PARD3B: variants seen among roughly 807,000 people sequenced by gnomAD.
The protein encoded by PARD3B is partitioning defective 3 homolog B.
A neutral mutation model predicts 130.2 loss-of-function variants in PARD3B; 103 were observed. That is an observed-to-expected ratio of 0.79 (90% confidence interval 0.67 to 0.93). The LOEUF is 0.93. Among genes scored for constraint, PARD3B ranks in the 40% least tolerant of loss-of-function variants. The pLI, the probability that PARD3B is intolerant of heterozygous loss-of-function variation, is 0.00. For synonymous variants in PARD3B, 583 were observed against 553.2 expected, an observed-to-expected ratio of 1.05 and a Z score of -0.76; for missense variants, 1,609 against 1,499.2, an observed-to-expected ratio of 1.07 and a Z score of -1.21.
At chr2:205,206,170 A>T (rs570736500) in intron 15 of PARD3B, among the ~76,000 whole-genome samples, 2 of 145,650 alleles carry the variant, frequency 1.4e-5, no homozygotes, top group African/African-American at 5.0e-5. Context: ...TGTTTCCTAA[A>T]CCATTGTTCA....
At chr2:204,575,982 T>G (rs1439297964) in intron 1 of PARD3B, among the ~76,000 whole-genome samples, 2 of 152,320 alleles carry the variant, frequency 1.3e-5, no homozygotes, top group East Asian at 3.9e-4. Context: ...AATTGACTGT[T>G]AGTCTAATAT....
chr2:205,320,544 C>T (rs1000586839), intron 18 of PARD3B, among the ~76,000 whole-genome samples: 3 of 152,136 alleles, frequency 2.0e-5, no homozygotes, highest in African/African-American at 7.2e-5. Context: ...GACTGTTTAA[C>T]AATAATATGG....
At position 205,172,400 on chromosome 2, in the gene PARD3B, C is replaced by T; in HGVS notation, c.1791+19C>T. 3 of 1,605,280 alleles carry T rather than the reference C, an allele frequency of 1.9e-6. No homozygotes were observed. Among genetic ancestry groups the T allele is most frequent in the Non-Finnish European group, 2.6e-6 (3 of 1,173,994 alleles). On this transcript the variant is annotated intron_variant, in intron 12 of 22. Coordinates refer to ENST00000406610, the MANE Select transcript of PARD3B (RefSeq NM_001302769.2). ...AATGGAGGTGATGCAAATCTTGATTCTCCTCAGCCAGTTGCCCAAATTGCC... is the reference window on the plus strand; with the variant it reads ...AATGGAGGTGATGCAAATCTTGATTTTCCTCAGCCAGTTGCCCAAATTGCC...
intron 20 of PARD3B, among the ~76,000 whole-genome samples, chr2:205,484,550 C>T (rs1402721944): frequency 1.3e-5 from 2 of 152,090 alleles, no homozygotes; most frequent in Non-Finnish European, 2.9e-5. Context: ...TTTTCAAAAT[C>T]ATCTGTAGTT....
intron 4 of PARD3B, among the ~76,000 whole-genome samples, chr2:205,099,351 T>C (rs1266411967): frequency 6.6e-6 from 1 of 152,226 alleles, no homozygotes; most frequent in Non-Finnish European, 1.5e-5. Flanking sequence ...GGTAGCTGTT[T>C]GGCATCAGTT....
intron 2 of PARD3B, among the ~76,000 whole-genome samples, chr2:204,699,229 G>A (rs1201301365): frequency 2.0e-5 from 3 of 152,086 alleles, no homozygotes; most frequent in Admixed American, 2.0e-4. Flanking sequence ...GGAGCCCTGG[G>A]CCCCTAAATG....
At chr2:205,582,154 C>A (rs994053851) in intron 22 of PARD3B, among the ~76,000 whole-genome samples, 1 of 152,186 alleles carries the variant, frequency 6.6e-6, no homozygotes, top group African/African-American at 2.4e-5. Flanking sequence ...TTGCACAAAT[C>A]TACTTAGCTC....
chr2:205,284,151 A>T (rs930525313), intron 16 of PARD3B, among the ~76,000 whole-genome samples: 17 of 152,170 alleles, frequency 1.1e-4, no homozygotes, highest in Non-Finnish European at 2.1e-4. Context: ...AACAAAGGGG[A>T]AAAAAATTAT....
At chr2:205,074,200 G>A (rs1700903288) in intron 4 of PARD3B, among the ~76,000 whole-genome samples, 6 of 152,158 alleles carry the variant, frequency 3.9e-5, no homozygotes, top group Admixed American at 3.3e-4. Flanking sequence ...AGCACTTTCT[G>A]AAATAATTTT....
chr2:205,267,724 A>G (rs1435224956), intron 16 of PARD3B, among the ~76,000 whole-genome samples: 1 of 152,186 alleles, frequency 6.6e-6, no homozygotes, highest in Non-Finnish European at 1.5e-5. Context: ...AGCTGGCTTC[A>G]TTTAAAGAAA....
intron 2 of PARD3B, among the ~76,000 whole-genome samples, chr2:204,933,581 G>T (rs376488865): frequency 6.6e-6 from 1 of 152,116 alleles, no homozygotes; most frequent in East Asian, 1.9e-4. Flanking sequence ...AGAAATAATG[G>T]TTGTGACTGT....
chr2:204,656,466 C>A (rs917357185), intron 1 of PARD3B, among the ~76,000 whole-genome samples: 1 of 152,172 alleles, frequency 6.6e-6, no homozygotes, highest in Non-Finnish European at 1.5e-5. Flanking sequence ...ATTTTCCAAT[C>A]TACTTCACTG....
intron 1 of PARD3B, among the ~76,000 whole-genome samples, chr2:204,583,014 T>G (rs901598823): frequency 4.6e-4 from 70 of 151,786 alleles, no homozygotes; most frequent in African/African-American, 2.4e-4. Context: ...GGAACACTTT[T>G]ACACTGTTGG....
intron 18 of PARD3B, among the ~76,000 whole-genome samples, chr2:205,310,591 T>G (rs1011860937): frequency 3.9e-5 from 6 of 152,102 alleles, no homozygotes; most frequent in Admixed American, 1.3e-4. Flanking sequence ...TCATATGGTA[T>G]TTGTCTTTCT....
At chr2:205,509,951 C>T (rs1396671168) in intron 21 of PARD3B, among the ~76,000 whole-genome samples, 6 of 152,220 alleles carry the variant, frequency 3.9e-5, no homozygotes, top group Admixed American at 3.9e-4. Flanking sequence ...AAAATCTGCC[C>T]TGATAAGATA....
At chr2:205,052,982 A>G (rs1699337106) in intron 4 of PARD3B, among the ~76,000 whole-genome samples, 1 of 152,164 alleles carries the variant, frequency 6.6e-6, no homozygotes, top group Admixed American at 6.6e-5. Context: ...CTACTGAGAC[A>G]AGAAGGGAAA....
chr2:205,083,676 T>C (rs775435012), intron 4 of PARD3B, among the ~76,000 whole-genome samples: 16 of 152,038 alleles, frequency 1.1e-4, no homozygotes, highest in Non-Finnish European at 1.9e-4. Context: ...TGTGGCTGTA[T>C]TTTCTATTTT....
At chr2:205,495,999 T>G (rs1233589928) in intron 20 of PARD3B, among the ~76,000 whole-genome samples, 1 of 152,176 alleles carries the variant, frequency 6.6e-6, no homozygotes, top group Non-Finnish European at 1.5e-5. Context: ...CTGAGAATTC[T>G]TTCCCAATTA....
intron 2 of PARD3B, among the ~76,000 whole-genome samples, chr2:204,903,111 G>C (rs995511441): frequency 6.6e-6 from 1 of 152,174 alleles, no homozygotes; most frequent in Non-Finnish European, 1.5e-5. Context: ...TCCCATGTAG[G>C]CCTTTATGGT....
Sources: allele counts gnomAD v4.1 joint callset (sites outside exome capture counted in the v4.1 genomes callset), GRCh38; gene constraint gnomAD v4.1.1; transcripts MANE v1.5; gene names NCBI Gene and HGNC (gene_info 2026-07-23, HGNC 2026-07-21).